Variants in TPP2 observed in about 807,000 individuals in gnomAD.
TPP2 encodes the protein tripeptidyl-peptidase 2.
Under a neutral mutation model 155.9 loss-of-function variants are expected in TPP2, and 34 were observed. The ratio of observed to expected loss-of-function variants is 0.22; its 90% CI spans 0.17 to 0.29. TPP2 has a LOEUF of 0.29. Among genes scored for constraint, TPP2 ranks in the 10% least tolerant of loss-of-function variants. The pLI is 1.00. For missense variants in TPP2, 1,028 were observed against 1,522.3 expected, an observed-to-expected ratio of 0.68 and a Z score of 5.40; for synonymous variants, 510 against 529.4, an observed-to-expected ratio of 0.96 and a Z score of 0.50.
At chr13:102,617,514 C>T (rs991493188) in intron 4 of TPP2, among the ~76,000 whole-genome samples, 6 of 152,098 alleles carry the variant, frequency 3.9e-5, no homozygotes, top group Non-Finnish European at 5.9e-5. Flanking sequence ...TTGTGATTTG[C>T]GTGAAATTTA....
chr13:102,632,243 CT>C (rs111570700), intron 10 of TPP2, among the ~76,000 whole-genome samples: 47 of 146,680 alleles, frequency 3.2e-4, no homozygotes, highest in Admixed American at 2.7e-4. Context: ...TTTCATGAGA[CT>C]TTTTTTTTTT....
chr13:102,617,270 T>C (rs1055398599), intron 4 of TPP2, among the ~76,000 whole-genome samples: 3 of 152,188 alleles, frequency 2.0e-5, no homozygotes, highest in African/African-American at 7.2e-5. Context: ...TTCAAAATAC[T>C]TCATTTTTCA....
At chr13:102,599,733 C>G (rs937145463) in intron 1 of TPP2, among the ~76,000 whole-genome samples, 1 of 152,074 alleles carries the variant, frequency 6.6e-6, no homozygotes, top group Non-Finnish European at 1.5e-5. Context: ...AGGCACCTAC[C>G]AGGTGCCTAA....
intron 27 of TPP2, among the ~76,000 whole-genome samples, chr13:102,672,805 G>C (rs1885064623): frequency 6.6e-6 from 1 of 152,188 alleles, no homozygotes; most frequent in African/African-American, 2.4e-5. Flanking sequence ...AGTCCCAAAA[G>C]TCTACTTGTA....
rs1393418691 is a variant in TPP2, at chr13:102,616,457, G to C, written c.452G>C (p.Arg151Thr). Residue 151 changes from arginine to threonine, a missense_variant, in exon 4 of 30, where the codon AGA (arginine) becomes ACA (threonine). This residue lies in a region of TPP2 where 300 missense variants were observed against 398.3 expected (regional missense o/e 0.75). Transcript: ENST00000376052. The part of the protein sequence containing the change: ...VHRVALAEAC[R>T]KQEEFDVANN... ...AGAGTGGCCCTTGCAGAAGCCTGTAGAAAACAGGAAGAATTTGATGTTGCC... is the reference window on the plus strand; with the variant it reads ...AGAGTGGCCCTTGCAGAAGCCTGTACAAAACAGGAAGAATTTGATGTTGCC... 1 of 1,612,626 alleles carries C rather than the reference G, an allele frequency of 6.2e-7. No individual in the cohort carries two copies. The highest frequency in any genetic ancestry group is 1.1e-5 in the South Asian group (1 of 90,656).
chr13:102,653,460 G>A (rs562305663), intron 24 of TPP2, among the ~76,000 whole-genome samples: 8 of 152,064 alleles, frequency 5.3e-5, no homozygotes, highest in African/African-American at 1.4e-4. Context: ...TGGCATGATC[G>A]TAGCTCACTG....
rs769206775 is a variant in TPP2 at position 102,651,406 on chromosome 13, T to G, written c.2991+9T>G. The G allele has an allele frequency of 1.9e-4, 304 of 1,572,808 alleles. No individual in the cohort carries two copies. Among genetic ancestry groups the G allele is most frequent in the Non-Finnish European group, 2.5e-4 (291 of 1,158,148 alleles). ...AAGGAAAATTTAAAAAGGTACTGAT[T>G]GTCAGTTCTTAAAAAAGATGTCTTA... On this transcript the variant is annotated intron_variant, in intron 24 of 29. Coordinates refer to ENST00000376052, the MANE Select transcript of TPP2 (RefSeq NM_001330588.2).
chr13:102,615,175 A>G (rs1880622421), intron 3 of TPP2, among the ~76,000 whole-genome samples: 1 of 152,210 alleles, frequency 6.6e-6, no homozygotes, highest in Admixed American at 6.5e-5. Context: ...AATAATGCGT[A>G]TAACTTCTAT....
chr13:102,649,194 C>G (rs1883337072), intron 22 of TPP2, 43 bp downstream of exon 22: 2 of 1,540,050 alleles, frequency 1.3e-6, no homozygotes, highest in Admixed American at 2.1e-5. Context: ...ATCGTATACA[C>G]TGTAGTCCTT....
chr13:102,676,536 AGTAATTAGC>A, intron 29 of TPP2, 121 bp downstream of exon 29: 1 of 1,187,030 alleles, frequency 8.4e-7, no homozygotes, highest in Non-Finnish European at 1.2e-6. Context: ...CAGTTATTAC[AGTAATTAGC>A]GTAATATGAA....
intron 28 of TPP2, among the ~76,000 whole-genome samples, chr13:102,675,877 A>C (rs1885254060): frequency 6.6e-6 from 1 of 152,202 alleles, no homozygotes; most frequent in Non-Finnish European, 1.5e-5. Context: ...CAGATGCAGT[A>C]ATTACAGGTA....
In TPP2 at chr13:102,674,273, T is replaced by C; in HGVS notation, c.3372-10T>C. ...CTGATATCTGAAATATTTTTTAATT[T>C]GCTGTACAGTGACATGGACAAACAA... On this transcript the variant is annotated splice_polypyrimidine_tract_variant and intron_variant, in intron 27 of 29. Coordinates refer to ENST00000376052, the MANE Select transcript of TPP2 (RefSeq NM_001330588.2). The C allele has an allele frequency of 6.2e-7, 1 of 1,607,222 alleles. No individual in the cohort carries two copies. The highest frequency in any genetic ancestry group is 8.5e-7 in the Non-Finnish European group (1 of 1,177,264).
chr13:102,625,294 A>G (rs1313743964), intron 6 of TPP2, among the ~76,000 whole-genome samples: 2 of 149,922 alleles, frequency 1.3e-5, no homozygotes, highest in African/African-American at 4.9e-5. Flanking sequence ...CCTCCCAAGT[A>G]GCTGGGACTG....
intron 27 of TPP2, among the ~76,000 whole-genome samples, chr13:102,668,846 T>G (rs1884783940): frequency 6.6e-6 from 1 of 152,194 alleles, no homozygotes; most frequent in African/African-American, 2.4e-5. Context: ...CATTCAGCCT[T>G]CTGAGTTTTC....
In TPP2 at chr13:102,635,787, A is replaced by G. The variant is rs1882336498; in HGVS notation, c.1509+85A>G. The G allele has an allele frequency of 9.7e-6, 10 of 1,031,776 alleles. No homozygotes were observed. The South Asian group carries it at 1.3e-4, about 14-fold the overall frequency. The allele number at this position is 1,031,776 out of a possible 1,614,324, so 63.9% of individuals were successfully genotyped here. The stretch of plus-strand genomic sequence containing the variant: ...TTATTGGGTAATATTTTGTTTTATA[A>G]CAGTGATTCAGTATATCTGAATTAT... On this transcript the variant is annotated intron_variant, in intron 12 of 29. Coordinates refer to ENST00000376052, the MANE Select transcript of TPP2 (RefSeq NM_001330588.2).
At chr13:102,599,490 TAGG>T (rs1046855489) in intron 1 of TPP2, among the ~76,000 whole-genome samples, 15 of 151,894 alleles carry the variant, frequency 9.9e-5, no homozygotes, top group African/African-American at 3.1e-4. Context: ...AAGAATGAAA[TAGG>T]AGGAAGATGA....
chr13:102,622,947 C>T lies in TPP2; in HGVS notation c.691C>T (p.Gln231Ter), dbSNP rs1169524948. The stretch of plus-strand genomic sequence containing the variant: ...CGTGTTGAGAAACTACAAAGAAGCC[C>T]AAGAATATGGCTCTTTTGGCACAGC... ...STVLRNYKEA[Q>*]EYGSFGTAEM... Residue 231 changes from glutamine to a stop codon, truncating the protein, a stop_gained, in exon 6 of 30, where the codon CAA becomes TAA. Coordinates refer to ENST00000376052, the MANE Select transcript of TPP2 (RefSeq NM_001330588.2). LOFTEE classifies it high-confidence loss of function. The T allele has an allele frequency of 6.2e-7, 1 of 1,614,004 alleles. No individual in the cohort carries two copies. The highest frequency in any genetic ancestry group is 8.5e-7 in the Non-Finnish European group (1 of 1,179,988).
At chr13:102,628,905 T>C (rs1374870480) in intron 8 of TPP2, among the ~76,000 whole-genome samples, 2 of 152,192 alleles carry the variant, frequency 1.3e-5, no homozygotes. Flanking sequence ...ACTTACAACT[T>C]TGAAGGGTCC....
At chr13:102,607,043 C>G (rs751124899) in intron 2 of TPP2, among the ~76,000 whole-genome samples, 4 of 152,188 alleles carry the variant, frequency 2.6e-5, no homozygotes, top group Non-Finnish European at 5.9e-5. Flanking sequence ...AGAGCAAGCT[C>G]TTTCTAGGGC....
Sources: allele counts gnomAD v4.1 joint callset (sites outside exome capture counted in the v4.1 genomes callset), GRCh38; gene constraint gnomAD v4.1.1; regional missense constraint gnomAD v4.1.1; transcripts MANE v1.5; gene names NCBI Gene and HGNC (gene_info 2026-07-23, HGNC 2026-07-21).